CCDC148: variants seen among roughly 807,000 people sequenced by gnomAD.
CCDC148 encodes coiled-coil domain containing 148, also known as coiled-coil domain-containing protein 148.
Under a neutral mutation model 85.7 loss-of-function variants are expected in CCDC148, and 89 were observed. That is an observed-to-expected ratio of 1.04 (90% CI 0.87 to 1.24). The LOEUF (loss-of-function observed/expected upper bound fraction) is 1.24, where lower values mean the gene tolerates loss of function less well. Among genes scored for constraint, CCDC148 ranks in the 50% most tolerant of loss-of-function variants. The pLI is 0.00. For missense variants in CCDC148, 692 were observed against 671.7 expected (o/e 1.03, Z -0.33); for synonymous variants, 230 against 213.9 (o/e 1.08, Z -0.66).
chr2:158,266,018 T>A (rs1202618230), intron 9 of CCDC148, among the ~76,000 whole-genome samples: 1 of 152,186 alleles, frequency 6.6e-6, no homozygotes, highest in Non-Finnish European at 1.5e-5. Context: ...TTTCCTAGAC[T>A]GGCAATTATT....
At chr2:158,434,622 G>T (rs1375602525) in intron 1 of CCDC148, among the ~76,000 whole-genome samples, 1 of 152,174 alleles carries the variant, frequency 6.6e-6, no homozygotes, top group Non-Finnish European at 1.5e-5. Context: ...GACGGAGAAT[G>T]AATTTGACGA....
At chr2:158,443,294 A>T (rs1051849958) in intron 1 of CCDC148, among the ~76,000 whole-genome samples, 1 of 152,080 alleles carries the variant, frequency 6.6e-6, no homozygotes, top group East Asian at 1.9e-4. Context: ...CAGAAGTTTG[A>T]TACCAACCTG....
At chr2:158,429,732 T>C (rs1374536926) in intron 1 of CCDC148, among the ~76,000 whole-genome samples, 6 of 152,210 alleles carry the variant, frequency 3.9e-5, no homozygotes, top group Non-Finnish European at 5.9e-5. Context: ...CCTTCCACTG[T>C]AACCAACTAG....
At chr2:158,376,711 G>A (rs1684665057) in intron 1 of CCDC148, among the ~76,000 whole-genome samples, 1 of 151,962 alleles carries the variant, frequency 6.6e-6, no homozygotes, top group Admixed American at 6.6e-5. Flanking sequence ...AAGAAACGCA[G>A]AGGGAACAAA....
chr2:158,208,688 A>G (rs1162262007), intron 11 of CCDC148, among the ~76,000 whole-genome samples: 4 of 152,220 alleles, frequency 2.6e-5, no homozygotes, highest in Non-Finnish European at 5.9e-5. Flanking sequence ...GTTGGGTTCC[A>G]ATCCTGACTC....
intron 13 of CCDC148, among the ~76,000 whole-genome samples, chr2:158,173,446 T>C (rs1228569559): frequency 6.6e-6 from 1 of 152,040 alleles, no homozygotes; most frequent in Non-Finnish European, 1.5e-5. Flanking sequence ...TGTAGTTGCA[T>C]AGGAAGATGG....
intron 7 of CCDC148, among the ~76,000 whole-genome samples, chr2:158,335,266 C>A (rs1682312663): frequency 6.6e-6 from 1 of 152,194 alleles, no homozygotes; most frequent in Non-Finnish European, 1.5e-5. Flanking sequence ...TTCACAAGCA[C>A]CTAACAAAAG....
chr2:158,425,605 C>G (rs1292848464), intron 1 of CCDC148, among the ~76,000 whole-genome samples: 7 of 152,084 alleles, frequency 4.6e-5, no homozygotes, highest in Middle Eastern at 3.2e-3. Flanking sequence ...GTGTCAGGTA[C>G]CACATGGCTC....
chr2:158,371,225 G>T (rs1191255606), intron 1 of CCDC148, among the ~76,000 whole-genome samples: 1 of 142,552 alleles, frequency 7.0e-6, no homozygotes, highest in Non-Finnish European at 1.5e-5. Flanking sequence ...ATACTGAATT[G>T]ATTCTTGCTA....
chr2:158,216,042 A>G (rs1227946204), intron 11 of CCDC148, among the ~76,000 whole-genome samples: 2 of 152,204 alleles, frequency 1.3e-5, no homozygotes, highest in Admixed American at 1.3e-4. Context: ...CACCCAGTCT[A>G]TGATATTTTG....
chr2:158,184,250 C>T (rs73011435), intron 11 of CCDC148, among the ~76,000 whole-genome samples: 1,887 of 152,188 alleles, frequency 0.012, 19 homozygotes, highest in East Asian at 0.069. Context: ...AAAAGATGAA[C>T]CCTTGCCAGC....
At chr2:158,198,165 C>T (rs746785666) in intron 11 of CCDC148, among the ~76,000 whole-genome samples, 4 of 152,114 alleles carry the variant, frequency 2.6e-5, no homozygotes, top group Non-Finnish European at 4.4e-5. Flanking sequence ...TTTCCTTCTA[C>T]TAAGAAAACA....
At chr2:158,220,195 G>A (rs1405347412) in intron 11 of CCDC148, among the ~76,000 whole-genome samples, 1 of 152,098 alleles carries the variant, frequency 6.6e-6, no homozygotes, top group African/African-American at 2.4e-5. Context: ...ACACCACACA[G>A]CACTGTATAA....
chr2:158,247,625 G>A (rs557161612), intron 10 of CCDC148, among the ~76,000 whole-genome samples: 16 of 152,268 alleles, frequency 1.1e-4, no homozygotes, highest in Admixed American at 8.5e-4. Flanking sequence ...GGGAGGCTGA[G>A]GCGGGCGGAT....
intron 9 of CCDC148, among the ~76,000 whole-genome samples, chr2:158,294,160 T>C (rs1371992364): frequency 6.7e-6 from 1 of 150,014 alleles, no homozygotes; most frequent in Non-Finnish European, 1.5e-5. Context: ...CAAAAGATCA[T>C]GTAAGTGAAA....
At chr2:158,179,645 T>G (rs1423565603) in intron 11 of CCDC148, among the ~76,000 whole-genome samples, 1 of 152,100 alleles carries the variant, frequency 6.6e-6, no homozygotes, top group Non-Finnish European at 1.5e-5. Context: ...TTAGCACACC[T>G]TGGGTTGTTA....
chr2:158,229,322 C>A (rs1437623054), intron 10 of CCDC148, among the ~76,000 whole-genome samples: 1 of 152,146 alleles, frequency 6.6e-6, no homozygotes, highest in Admixed American at 6.5e-5. Context: ...CAAGGCTTTG[C>A]TAATTAATAT....
At position 158,346,749 on chromosome 2, in the gene CCDC148, G is replaced by A. The variant is rs1243184413; in HGVS notation, c.148-1431C>T. ...ACTTAGTACCCTAAAAGCTTTAAAA[G>A]ATCAATGCTGGAAATGTAAAGACTT... On this transcript the variant is annotated intron_variant, in intron 2 of 13. Coordinates refer to ENST00000283233, the MANE Select transcript of CCDC148 (RefSeq NM_138803.4). Among the ~76,000 whole-genome samples the A allele has an allele frequency of 3.3e-5, 5 of 152,094 alleles. No individual in the cohort carries two copies. The South Asian group carries it at 1.0e-3, about 32-fold the overall frequency.
intron 1 of CCDC148, among the ~76,000 whole-genome samples, chr2:158,443,374 T>C (rs1007982166): frequency 2.6e-5 from 4 of 151,558 alleles, no homozygotes; most frequent in African/African-American, 2.4e-5. Context: ...TGTAGTGGCC[T>C]GTGCCTGTGG....
Sources: gnomAD v4.1 joint callset for allele counts (sites outside exome capture counted in the v4.1 genomes callset) on GRCh38, gnomAD v4.1.1 for gene constraint, MANE v1.5 for transcripts, NCBI Gene and HGNC (gene_info 2026-07-23, HGNC 2026-07-21) for gene names.